Variants in RPS6KA2 observed in about 807,000 individuals in gnomAD.
The protein encoded by RPS6KA2 is ribosomal protein S6 kinase A2.
In RPS6KA2, 42 loss-of-function variants were observed where a neutral mutation model predicts 91.8. That is an observed-to-expected ratio of 0.46 (90% CI 0.36 to 0.59). RPS6KA2 has a LOEUF of 0.59. Among genes scored for constraint, RPS6KA2 ranks in the 20% least tolerant of loss-of-function variants. The pLI is 0.00. For synonymous variants in RPS6KA2, 414 were observed against 393.6 expected, an observed-to-expected ratio of 1.05 and a Z score of -0.61; for missense variants, 798 against 978.5, an observed-to-expected ratio of 0.82 and a Z score of 2.46.
At chr6:166,544,537 A>G (rs1231583298) in intron 1 of RPS6KA2, 1 of 152,146 alleles carries the variant, frequency 6.6e-6, no homozygotes, top group Non-Finnish European at 1.5e-5. Context: ...ATAACTAGAC[A>G]TTTGAACCAA....
chr6:166,771,199 G>A (rs1451346953), intron 2 of RPS6KA2, among the ~76,000 whole-genome samples: 3 of 152,112 alleles, frequency 2.0e-5, no homozygotes, highest in Admixed American at 6.5e-5. Context: ...AAAGCTCAAC[G>A]GAAAGAAAGT....
At chr6:166,745,205 G>A (rs981879838) in intron 2 of RPS6KA2, among the ~76,000 whole-genome samples, 3 of 146,940 alleles carry the variant, frequency 2.0e-5, no homozygotes, top group Non-Finnish European at 4.5e-5. Context: ...AGGCTGGAGT[G>A]CAGTGGCGCC....
At chr6:166,454,804 A>G (rs1427225848) in intron 12 of RPS6KA2, among the ~76,000 whole-genome samples, 1 of 151,894 alleles carries the variant, frequency 6.6e-6, no homozygotes, top group Non-Finnish European at 1.5e-5. Flanking sequence ...GCTGTTGAAC[A>G]ATATGAAGAA....
intron 3 of RPS6KA2, 95 bp downstream of exon 3, chr6:166,531,137 C>G (rs769496575): frequency 4.7e-6 from 4 of 846,020 alleles, no homozygotes; most frequent in African/African-American, 3.3e-5. Context: ...TTTCAGAAAT[C>G]GTGAACATTA....
rs1180646824 is a variant in RPS6KA2 at position 166,493,353 on chromosome 6, G to T, written c.748-2612C>A. Among the ~76,000 whole-genome samples, 2 of 152,086 alleles carry T rather than the reference G, an allele frequency of 1.3e-5. No homozygotes were observed. Among genetic ancestry groups the T allele is most frequent in the Non-Finnish European group, 2.9e-5 (2 of 68,018 alleles). On this transcript the variant is annotated intron_variant, in intron 8 of 20. Coordinates refer to ENST00000265678, the MANE Select transcript of RPS6KA2 (RefSeq NM_021135.6). This position sits in a 1 kb window ranked among gnomAD's most constrained non-coding sequence, Gnocchi z 4.7. Reference sequence around the variant, plus strand: ...GAAGGGAGATCATTTCAGTATGATTGTCTGAATGGAGCTGCCCGGGAACTT... The same window carrying T: ...GAAGGGAGATCATTTCAGTATGATTTTCTGAATGGAGCTGCCCGGGAACTT...
intron 16 of RPS6KA2, 85 bp downstream of exon 16, chr6:166,430,368 C>A: frequency 1.6e-6 from 2 of 1,236,472 alleles, no homozygotes; most frequent in South Asian, 1.4e-5. Flanking sequence ...GCGTTCTCAG[C>A]TCTTGAACCC....
chr6:166,813,459 T>C (rs1779689926), intron 2 of RPS6KA2, among the ~76,000 whole-genome samples: 1 of 152,216 alleles, frequency 6.6e-6, no homozygotes, highest in Non-Finnish European at 1.5e-5. Context: ...TGGTAATACA[T>C]TGCATTAGTT....
At chr6:166,687,845 G>C (rs550457884) in intron 2 of RPS6KA2, among the ~76,000 whole-genome samples, 27 of 152,304 alleles carry the variant, frequency 1.8e-4, no homozygotes, top group African/African-American at 6.5e-4. Context: ...AATCAATCTT[G>C]GGTTATGTGT....
At chr6:166,634,662 TC>T (rs1284468494) in intron 2 of RPS6KA2, among the ~76,000 whole-genome samples, 1 of 152,200 alleles carries the variant, frequency 6.6e-6, no homozygotes, top group Non-Finnish European at 1.5e-5. Flanking sequence ...TCTCACTCTG[TC>T]CCCCAGGCTG....
intron 2 of RPS6KA2, among the ~76,000 whole-genome samples, chr6:166,772,670 C>T (rs780812245): frequency 6.6e-6 from 1 of 152,318 alleles, no homozygotes; most frequent in East Asian, 1.9e-4. Flanking sequence ...CCATGACCTA[C>T]TCTCAGGGCA....
rs1790714376 is a variant in RPS6KA2 at position 166,737,965 on chromosome 6, T to A, written c.123+120235A>T. 1.3e-5 allele frequency among the ~76,000 whole-genome samples: 2 copies of A among 152,330 alleles called. No homozygotes were observed. Among genetic ancestry groups the A allele is most frequent in the Non-Finnish European group, 2.9e-5 (2 of 68,024 alleles). Reference sequence around the variant, plus strand: ...ATGTCATGCCATCGCTCAGAGAGAATCCTTTTAATATTGTTTACATCCTCC... The same window carrying A: ...ATGTCATGCCATCGCTCAGAGAGAAACCTTTTAATATTGTTTACATCCTCC... On this transcript the variant is annotated intron_variant, in intron 2 of 21. Transcript: ENST00000503859. This position sits in a 1 kb window ranked among gnomAD's most constrained non-coding sequence, Gnocchi z 4.3.
upstream of RPS6KA2, among the ~76,000 whole-genome samples, chr6:166,628,176 C>T (rs1204811373): frequency 6.6e-6 from 1 of 152,218 alleles, no homozygotes; most frequent in Non-Finnish European, 1.5e-5. Flanking sequence ...CTGGCGGCAG[C>T]GCCGCTCGGG....
chr6:166,552,767 G>C (rs1784059739), intron 1 of RPS6KA2, among the ~76,000 whole-genome samples: 1 of 152,078 alleles, frequency 6.6e-6, no homozygotes, highest in Non-Finnish European at 1.5e-5. Context: ...ATGCATCGAG[G>C]ATGCTATTTC....
intron 2 of RPS6KA2, among the ~76,000 whole-genome samples, chr6:166,683,291 C>T (rs964413937): frequency 3.9e-5 from 6 of 152,228 alleles, no homozygotes; most frequent in African/African-American, 1.2e-4. Flanking sequence ...TTATCAATTA[C>T]ATGAAGTGAT....
intron 16 of RPS6KA2, among the ~76,000 whole-genome samples, chr6:166,428,222 A>C (rs530651971): frequency 0.025 from 3,778 of 151,542 alleles, 167 homozygotes; most frequent in African/African-American, 0.086. Context: ...CCTATTTAAT[A>C]AATGGTGCTG....
At chr6:166,504,020 A>G (rs1411565767) in intron 6 of RPS6KA2, among the ~76,000 whole-genome samples, 1 of 152,178 alleles carries the variant, frequency 6.6e-6, no homozygotes, top group Non-Finnish European at 1.5e-5. Flanking sequence ...AGGTTCATTG[A>G]CCACATTCCT....
intron 14 of RPS6KA2, among the ~76,000 whole-genome samples, chr6:166,442,153 G>T (rs1164934936): frequency 1.3e-5 from 2 of 152,202 alleles, no homozygotes; most frequent in Non-Finnish European, 2.9e-5. Flanking sequence ...TCAAACAATG[G>T]ATTTTTCTTG....
chr6:166,771,712 C>T (rs1299990667), intron 2 of RPS6KA2, among the ~76,000 whole-genome samples: 1 of 152,184 alleles, frequency 6.6e-6, no homozygotes, highest in East Asian at 1.9e-4. Context: ...ATCTCCTTTG[C>T]CCCTACTGAT....
chr6:166,464,760 T>C (rs1780458496), intron 11 of RPS6KA2, among the ~76,000 whole-genome samples: 1 of 152,190 alleles, frequency 6.6e-6, no homozygotes, highest in Non-Finnish European at 1.5e-5. Context: ...CTGCAGAGGT[T>C]TGTAGTCCGA....
Sources: gnomAD v4.1 joint callset for allele counts (sites outside exome capture counted in the v4.1 genomes callset) on GRCh38, gnomAD v4.1.1 for gene constraint, Gnocchi (gnomAD v3.1) non-coding constraint, MANE v1.5 for transcripts, NCBI Gene and HGNC (gene_info 2026-07-23, HGNC 2026-07-21) for gene names.